Variants in UGGT2 observed in about 807,000 individuals in gnomAD.
UGGT2 encodes the protein UDP-glucose glycoprotein glucosyltransferase 2.
UGGT2 carries 180 observed loss-of-function variants against 192.1 expected under a neutral mutation model. That is an observed-to-expected ratio of 0.94 (90% confidence interval 0.83 to 1.06). The LOEUF (loss-of-function observed/expected upper bound fraction) is 1.06, where lower values mean the gene tolerates loss of function less well. Ranked by LOEUF, UGGT2 falls within the 50% of genes least tolerant of loss-of-function variation. The pLI is 0.00. For missense variants in UGGT2, 1,849 were observed against 1,795.7 expected (o/e 1.03, Z -0.54); for synonymous variants, 580 against 591.0 (o/e 0.98, Z 0.27).
chr13:95,868,207 C>A (rs766432321), intron 29 of UGGT2, among the ~76,000 whole-genome samples: 8 of 152,150 alleles, frequency 5.3e-5, no homozygotes, highest in Non-Finnish European at 1.0e-4. Context: ...ACTATCATGA[C>A]TGACACGTCT....
intron 38 of UGGT2, among the ~76,000 whole-genome samples, chr13:95,820,338 T>C (rs548750368): frequency 2.0e-5 from 3 of 152,230 alleles, no homozygotes; most frequent in Admixed American, 1.3e-4. Context: ...CAAAGCAGTC[T>C]ACTCCCCTAA....
intron 1 of UGGT2, among the ~76,000 whole-genome samples, chr13:96,043,388 C>T (rs2053219982): frequency 6.6e-6 from 1 of 152,090 alleles, no homozygotes; most frequent in African/African-American, 2.4e-5. Context: ...TGAAACAAAT[C>T]ATGGGAATAA....
chr13:95,885,645 C>G (rs890133990), intron 26 of UGGT2, among the ~76,000 whole-genome samples: 1 of 152,086 alleles, frequency 6.6e-6, no homozygotes, highest in African/African-American at 2.4e-5. Flanking sequence ...GAGTCCCAGG[C>G]AGTGGTGATC....
chr13:95,999,181 TCTA>T, intron 6 of UGGT2, 27 bp downstream of exon 6: 1 of 1,582,166 alleles, frequency 6.3e-7, no homozygotes, highest in Non-Finnish European at 8.7e-7. Context: ...AACTTTTCAT[TCTA>T]CTCAAGTACT....
In UGGT2 at chr13:95,832,943, GTT is replaced by G. The variant is rs749383477; in HGVS notation, c.4510_4511del (p.Asn1504GlnfsTer10). 6.2e-7 allele frequency: 1 copy of G among 1,612,336 alleles called. No individual in the cohort carries two copies. The highest frequency in any genetic ancestry group is 8.5e-7 in the Non-Finnish European group (1 of 1,178,894). ...ATGACTTACTTGTATCTTGCTTCTT[GTT>G]TTCAAGATGATCTAATAGTTGTCTT... The part of the protein sequence containing the change: ...EIRQLLDHLE[N>X]KKQDTILTHD... On this transcript the variant is annotated frameshift_variant, in exon 38 of 39. Transcript: ENST00000376747. LOFTEE classifies it high-confidence loss of function.
At chr13:95,907,192 A>G (rs1467658760) in intron 20 of UGGT2, among the ~76,000 whole-genome samples, 1 of 152,244 alleles carries the variant, frequency 6.6e-6, no homozygotes, top group East Asian at 1.9e-4. Context: ...GCAAGCTGGC[A>G]GCCTGGCTGG....
intron 20 of UGGT2, among the ~76,000 whole-genome samples, chr13:95,921,303 T>G (rs1226113056): frequency 1.3e-5 from 2 of 150,298 alleles, no homozygotes; most frequent in Non-Finnish European, 2.9e-5. Flanking sequence ...AGCATACGTT[T>G]ATCTGTGTAA....
At chr13:95,825,825 C>T (rs1240512089) in intron 38 of UGGT2, among the ~76,000 whole-genome samples, 1 of 152,148 alleles carries the variant, frequency 6.6e-6, no homozygotes, top group African/African-American at 2.4e-5. Flanking sequence ...AGATCTGGGA[C>T]TCAAGGCCTG....
intron 12 of UGGT2, among the ~76,000 whole-genome samples, chr13:95,967,156 C>CT (rs35913234): frequency 0.036 from 5,049 of 140,098 alleles, 94 homozygotes; most frequent in African/African-American, 0.043. Context: ...CAGGCATAAC[C>CT]TTTTTTTTTT....
rs1165903225 is a variant in UGGT2 at position 95,853,669 on chromosome 13, A to T, written c.4170-12T>A. The T allele has an allele frequency of 1.3e-6, 2 of 1,528,034 alleles. No homozygotes were observed. Among genetic ancestry groups the T allele is most frequent in the Admixed American group, 4.6e-5 (2 of 43,620 alleles). 94.7% of individuals were successfully genotyped at this position (1,528,034 alleles called of 1,614,324 possible). ...CTACATATAAAGCACTGCAAAAATG[A>T]ATTACTTCTTGATAGCCTATGTTGT... On this transcript the variant is annotated splice_polypyrimidine_tract_variant and intron_variant, in intron 35 of 38. Transcript: ENST00000376747.
chr13:96,018,330 A>G (rs1349486891), intron 4 of UGGT2, among the ~76,000 whole-genome samples: 1 of 152,138 alleles, frequency 6.6e-6, no homozygotes, highest in Non-Finnish European at 1.5e-5. Context: ...AGCCTGGGCA[A>G]CATAGCAAGA....
At chr13:95,827,512 A>T (rs1410574354) in intron 38 of UGGT2, among the ~76,000 whole-genome samples, 3 of 152,110 alleles carry the variant, frequency 2.0e-5, no homozygotes, top group African/African-American at 7.2e-5. Context: ...GAAGGTATCA[A>T]CCCTGTGGAC....
At chr13:95,890,130 C>T (rs762212551) in intron 25 of UGGT2, among the ~76,000 whole-genome samples, 2 of 152,202 alleles carry the variant, frequency 1.3e-5, no homozygotes, top group Non-Finnish European at 2.9e-5. Context: ...AGAATACAAA[C>T]TCCATGTTTC....
At chr13:95,962,984 A>G (rs561505142) in intron 12 of UGGT2, among the ~76,000 whole-genome samples, 1 of 152,288 alleles carries the variant, frequency 6.6e-6, no homozygotes, top group African/African-American at 2.4e-5. Context: ...TAGAGCCATC[A>G]GATCTCATAA....
intron 36 of UGGT2, among the ~76,000 whole-genome samples, chr13:95,846,760 C>T (rs1266740099): frequency 6.6e-6 from 1 of 152,122 alleles, no homozygotes; most frequent in Non-Finnish European, 1.5e-5. Flanking sequence ...TTCAGGTTAC[C>T]TATTTCACGT....
chr13:95,837,555 T>TCACA (rs567247636), intron 36 of UGGT2, among the ~76,000 whole-genome samples: 131 of 152,302 alleles, frequency 8.6e-4, no homozygotes, highest in Non-Finnish European at 5.9e-4. Context: ...TTCATATTGG[T>TCACA]CACCACAATG....
intron 4 of UGGT2, among the ~76,000 whole-genome samples, chr13:96,018,502 T>A (rs7990093): frequency 6.6e-6 from 1 of 152,048 alleles, no homozygotes; most frequent in South Asian, 2.1e-4. Context: ...GGCACTAGAG[T>A]GAGACCTTGT....
At chr13:95,909,782 A>AATAAT (rs369897411) in intron 20 of UGGT2, among the ~76,000 whole-genome samples, 26,490 of 113,780 alleles carry the variant, frequency 0.23, 3,485 homozygotes, top group Non-Finnish European at 0.31. Context: ...ATAATAATAA[A>AATAAT]AAAGATTCCT....
At chr13:95,916,259 C>CA (rs1350021490) in intron 20 of UGGT2, among the ~76,000 whole-genome samples, 1 of 152,180 alleles carries the variant, frequency 6.6e-6, no homozygotes, top group East Asian at 1.9e-4. Context: ...ACAGGAAAAA[C>CA]AGAAGCAACT....
Sources: allele counts gnomAD v4.1 joint callset (sites outside exome capture counted in the v4.1 genomes callset), GRCh38; gene constraint gnomAD v4.1.1; transcripts MANE v1.5; gene names NCBI Gene and HGNC (gene_info 2026-07-23, HGNC 2026-07-21).